DNAI7: variants seen among roughly 807,000 people sequenced by gnomAD.
DNAI7 encodes the protein cancer susceptibility 1.
In DNAI7, 78 loss-of-function variants were observed where a neutral mutation model predicts 86.6. The observed-to-expected ratio is 0.90, with a 90% CI of 0.75 to 1.09. The LOEUF is 1.09. Ranked by LOEUF, DNAI7 falls within the 50% of genes least tolerant of loss-of-function variation. The pLI is 0.00. For missense variants in DNAI7, 753 were observed against 810.2 expected (o/e 0.93, Z 0.86); for synonymous variants, 274 against 273.0 (o/e 1.00, Z -0.04).
At chr12:25,147,263 G>C (rs958615553) in intron 7 of DNAI7, among the ~76,000 whole-genome samples, 159 bp from the exon 8 acceptor site, 1 of 152,108 alleles carries the variant, frequency 6.6e-6, no homozygotes, top group Non-Finnish European at 1.5e-5. Context: ...ACAAAGAATT[G>C]TTTAAAAAAA....
At chr12:25,113,945 T>TG (rs1326621391) in intron 13 of DNAI7, among the ~76,000 whole-genome samples, 197 of 86,724 alleles carry the variant, frequency 2.3e-3, no homozygotes, top group Middle Eastern at 6.3e-3. Flanking sequence ...TGGGTTTTTT[T>TG]TTTTTTTTTT....
chr12:25,148,853 A>G (rs1945168921), intron 7 of DNAI7, among the ~76,000 whole-genome samples: 1 of 152,168 alleles, frequency 6.6e-6, no homozygotes, highest in South Asian at 2.1e-4. Context: ...ACAGTAAGAT[A>G]ATCCAGCCTC....
Position 25,119,133 on chromosome 12 carries a change from TA to T in DNAI7, c.1396+11del. On this transcript the variant is annotated intron_variant, in intron 12 of 15. Coordinates refer to ENST00000395987, the MANE Select transcript of DNAI7 (RefSeq NM_018272.5). ...TATCCCTCCTTTTATTACATAATTA[TA>T]AAAGCTGTACCTTCAGCATCCCACC... 1 of 1,578,976 alleles carries T rather than the reference TA, an allele frequency of 6.3e-7. No homozygotes were observed. The highest frequency in any genetic ancestry group is 8.6e-7 in the Non-Finnish European group (1 of 1,168,120).
chr12:25,126,543 AG>A (rs1162057573), intron 9 of DNAI7, among the ~76,000 whole-genome samples: 1 of 152,178 alleles, frequency 6.6e-6, no homozygotes, highest in African/African-American at 2.4e-5. Flanking sequence ...TGGATATAAA[AG>A]TAAAGCAAGG....
At chr12:25,165,942 C>A (rs1282852565) in intron 2 of DNAI7, among the ~76,000 whole-genome samples, 6 of 152,084 alleles carry the variant, frequency 3.9e-5, no homozygotes, top group Non-Finnish European at 8.8e-5. Flanking sequence ...TGCTTCCCTG[C>A]CTATTCCTGG....
At chr12:25,109,554 GCT>G (rs955755497) in intron 15 of DNAI7, among the ~76,000 whole-genome samples, 13 of 151,714 alleles carry the variant, frequency 8.6e-5, no homozygotes, top group African/African-American at 2.9e-4. Context: ...ACCCGGCAAG[GCT>G]TCCATTTGTT....
chr12:25,182,605 TACACACACACAC>T (rs71065917), intron 2 of DNAI7, among the ~76,000 whole-genome samples: 2 of 132,096 alleles, frequency 1.5e-5, no homozygotes, highest in African/African-American at 5.8e-5. Context: ...TGAGACTGTC[TACACACACACAC>T]ACACACACAC....
At chr12:25,148,205 T>C (rs752293102) in intron 7 of DNAI7, among the ~76,000 whole-genome samples, 20 of 152,234 alleles carry the variant, frequency 1.3e-4, no homozygotes, top group Non-Finnish European at 2.1e-4. Flanking sequence ...TGTTTCCTCA[T>C]GGCATTGTTT....
intron 2 of DNAI7, among the ~76,000 whole-genome samples, chr12:25,169,411 C>A (rs961768872): frequency 3.3e-5 from 5 of 152,178 alleles, no homozygotes; most frequent in African/African-American, 1.2e-4. Flanking sequence ...CATCTCCCTT[C>A]GCTGACTCTC....
At chr12:25,185,275 C>T (rs753837308) in intron 2 of DNAI7, among the ~76,000 whole-genome samples, 1 of 152,106 alleles carries the variant, frequency 6.6e-6, no homozygotes, top group Non-Finnish European at 1.5e-5. Flanking sequence ...AAGATGATAG[C>T]TTTGATCTAT....
intron 11 of DNAI7, among the ~76,000 whole-genome samples, chr12:25,121,396 G>A (rs1941270394): frequency 6.6e-6 from 1 of 152,192 alleles, no homozygotes. Flanking sequence ...CTGCATCAGA[G>A]CTAGTAGGGA....
intron 9 of DNAI7, among the ~76,000 whole-genome samples, chr12:25,141,012 T>C (rs11047859): frequency 6.6e-6 from 1 of 152,094 alleles, no homozygotes; most frequent in East Asian, 1.9e-4. Context: ...AAGCCATGTA[T>C]AGAAGAATGA....
rs538095552 is a variant in DNAI7, at chr12:25,151,786, G to A, written c.439-2012C>T. Among the ~76,000 whole-genome samples, 34 of 152,276 alleles carry A rather than the reference G, an allele frequency of 2.2e-4. 1 individual carries two copies. The highest frequency in any genetic ancestry group is 7.7e-4 in the African/African-American group (32 of 41,540). On this transcript the variant is annotated intron_variant, in intron 6 of 15. Coordinates refer to ENST00000395987, the MANE Select transcript of DNAI7 (RefSeq NM_018272.5). ...TAAGGTCCATCTAAGGTCTCACAGT[G>A]GACTGCAAGCAAATCACAATCTATG...
intron 9 of DNAI7, 116 bp downstream of exon 9, chr12:25,144,245 CAAGA>C: frequency 1.1e-5 from 9 of 803,630 alleles, no homozygotes; most frequent in Non-Finnish European, 1.8e-5. Context: ...GAGGCACTGG[CAAGA>C]AAGTGGCTCC....
intron 2 of DNAI7, among the ~76,000 whole-genome samples, chr12:25,173,190 A>C (rs1948325487): frequency 6.6e-6 from 1 of 152,226 alleles, no homozygotes; most frequent in African/African-American, 2.4e-5. Context: ...AATCTTCACA[A>C]TGTATACATC....
intron 9 of DNAI7, among the ~76,000 whole-genome samples, chr12:25,142,933 CAGGAAAGGGA>C (rs1944383216): frequency 6.6e-6 from 1 of 152,112 alleles, no homozygotes. Context: ...TTCCATATTC[CAGGAAAGGGA>C]AGAGAACTGG....
intron 3 of DNAI7, 26 bp from the exon 4 acceptor site, chr12:25,158,589 C>T (rs1165614870): frequency 1.3e-6 from 2 of 1,594,334 alleles, no homozygotes; most frequent in South Asian, 1.1e-5. Context: ...TAATTTTTTT[C>T]TCAGTGAATA....
At chr12:25,158,143 G>A (rs1041954993) in intron 4 of DNAI7, among the ~76,000 whole-genome samples, 7 of 151,974 alleles carry the variant, frequency 4.6e-5, no homozygotes, top group Admixed American at 2.0e-4. Flanking sequence ...GCAGGAGAAT[G>A]GCGTGAACCC....
At chr12:25,137,195 C>T (rs927632156) in intron 9 of DNAI7, among the ~76,000 whole-genome samples, 1 of 152,128 alleles carries the variant, frequency 6.6e-6, no homozygotes, top group Non-Finnish European at 1.5e-5. Context: ...TCAGCAGAAA[C>T]CTTACATGCT....
Sources: gnomAD v4.1 joint callset for allele counts (sites outside exome capture counted in the v4.1 genomes callset) on GRCh38, gnomAD v4.1.1 for gene constraint, MANE v1.5 for transcripts, NCBI Gene and HGNC (gene_info 2026-07-23, HGNC 2026-07-21) for gene names.